TXNDC11: variants seen among roughly 807,000 people sequenced by gnomAD.
The protein encoded by TXNDC11 is thioredoxin domain-containing protein 11.
In TXNDC11, 68 loss-of-function variants were observed where a neutral mutation model predicts 78.0. That is an observed-to-expected ratio of 0.87 (90% CI 0.72 to 1.07). TXNDC11 has a LOEUF of 1.07. Ranked by LOEUF, TXNDC11 falls within the 50% of genes least tolerant of loss-of-function variation. The pLI, the probability that TXNDC11 is intolerant of heterozygous loss-of-function variation, is 0.00. For missense variants in TXNDC11, 1,389 were observed against 1,221.8 expected (o/e 1.14, Z -2.04); for synonymous variants, 571 against 495.2 (o/e 1.15, Z -2.03).
At chr16:11,718,562 C>CTTT (rs1182423693) in intron 5 of TXNDC11, among the ~76,000 whole-genome samples, 2 of 151,806 alleles carry the variant, frequency 1.3e-5, no homozygotes, top group Non-Finnish European at 2.9e-5. Context: ...AGGAAAACAC[C>CTTT]ATTTGACTTC....
chr16:11,742,376 C>G, intron 1 of TXNDC11, 101 bp downstream of exon 1: 1 of 1,014,360 alleles, frequency 9.9e-7, no homozygotes, highest in Non-Finnish European at 1.3e-6. Flanking sequence ...AGGTCAGGCC[C>G]GACTTCCCCG....
At chr16:11,703,733 AAG>A in intron 5 of TXNDC11, 1 of 701,612 alleles carries the variant, frequency 1.4e-6, no homozygotes, top group Non-Finnish European at 2.6e-6. Flanking sequence ...GCCCTTGGAG[AAG>A]AGGTTGATTC....
chr16:11,708,653 T>C (rs1181046394), intron 5 of TXNDC11, among the ~76,000 whole-genome samples: 1 of 152,228 alleles, frequency 6.6e-6, no homozygotes, highest in South Asian at 2.1e-4. Context: ...AACCAACATA[T>C]GCTTCAAAAC....
At chr16:11,730,447 A>G (rs141186039) in intron 4 of TXNDC11, among the ~76,000 whole-genome samples, 198 bp downstream of exon 4, 145 of 152,338 alleles carry the variant, frequency 9.5e-4, no homozygotes, top group Admixed American at 2.1e-3. Context: ...CTAGTACTCT[A>G]TTCTCTTAAA....
chr16:11,734,194 A>G, intron 2 of TXNDC11, 115 bp from the exon 3 acceptor site: 2 of 758,016 alleles, frequency 2.6e-6, no homozygotes, highest in East Asian at 5.3e-5. Flanking sequence ...AACAGAAACT[A>G]TGAAAAAAAC....
chr16:11,714,843 C>A (rs1358212470), intron 5 of TXNDC11, among the ~76,000 whole-genome samples: 1 of 152,188 alleles, frequency 6.6e-6, no homozygotes, highest in Non-Finnish European at 1.5e-5. Flanking sequence ...AACACTATTT[C>A]CCAAAGGGAG....
At chr16:11,737,977 T>A (rs1246478731) in intron 1 of TXNDC11, among the ~76,000 whole-genome samples, 2 of 149,874 alleles carry the variant, frequency 1.3e-5, no homozygotes, top group African/African-American at 4.9e-5. Context: ...AGACACAGGA[T>A]AAAGGCATAA....
chr16:11,700,656 T>G, intron 5 of TXNDC11, 92 bp from the exon 6 acceptor site: 2 of 626,268 alleles, frequency 3.2e-6, no homozygotes, highest in East Asian at 2.9e-5. Context: ...CACAAACCCC[T>G]GCAGCTAAGC....
At chr16:11,680,269 G>A (rs189508259) in intron 11 of TXNDC11, among the ~76,000 whole-genome samples, 12 of 151,856 alleles carry the variant, frequency 7.9e-5, no homozygotes, top group Admixed American at 1.3e-4. Flanking sequence ...GACAGTGCCC[G>A]GAGAAAAAGG....
chr16:11,712,654 C>G (rs578009873), intron 5 of TXNDC11, among the ~76,000 whole-genome samples: 5 of 152,244 alleles, frequency 3.3e-5, no homozygotes, highest in African/African-American at 9.6e-5. Context: ...ATTTATAAGA[C>G]TTAAGAAATA....
chr16:11,722,630 A>C (rs550441759), intron 4 of TXNDC11, among the ~76,000 whole-genome samples: 41 of 152,280 alleles, frequency 2.7e-4, no homozygotes, highest in African/African-American at 9.6e-4. Flanking sequence ...CCTGATGTGG[A>C]AATAGGAACA....
chr16:11,721,559 A>G lies in TXNDC11; in HGVS notation c.793+18T>C. On this transcript the variant is annotated intron_variant, in intron 5 of 11. Transcript: ENST00000283033. ...ATTCTACTGAAGTAACAATGTCTTA[A>G]TATGAATCATTTTTTACCTTTCTTT... 1 of 1,425,826 alleles carries G rather than the reference A, an allele frequency of 7.0e-7. No individual in the cohort carries two copies. Among genetic ancestry groups the G allele is most frequent in the Non-Finnish European group, 9.9e-7 (1 of 1,013,968 alleles). The allele number at this position is 1,425,826 out of a possible 1,614,324, so 88.3% of individuals were successfully genotyped here. A position where few individuals can be genotyped will look rare whatever the true frequency, so the allele number is the denominator to read the frequency against.
At chr16:11,686,570 T>C (rs1230718861) in intron 10 of TXNDC11, among the ~76,000 whole-genome samples, 1 of 152,220 alleles carries the variant, frequency 6.6e-6, no homozygotes, top group Non-Finnish European at 1.5e-5. Context: ...ACTCATTCCA[T>C]TAGATACATC....
chr16:11,735,966 T>C, intron 2 of TXNDC11, 51 bp downstream of exon 2: 2 of 1,569,018 alleles, frequency 1.3e-6, no homozygotes, highest in Non-Finnish European at 1.8e-6. Context: ...CATCCTGCCC[T>C]ACATATAGGA....
At chr16:11,686,210 G>A (rs557900164) in intron 10 of TXNDC11, among the ~76,000 whole-genome samples, 16 of 152,270 alleles carry the variant, frequency 1.1e-4, no homozygotes, top group African/African-American at 3.9e-4. Flanking sequence ...CGCCCACCTC[G>A]GCCTCCCAAC....
intron 10 of TXNDC11, among the ~76,000 whole-genome samples, chr16:11,686,318 T>A (rs2050566744): frequency 6.6e-6 from 1 of 152,212 alleles, no homozygotes; most frequent in African/African-American, 2.4e-5. Flanking sequence ...TCTTTTCCAT[T>A]AACTGTATGA....
chr16:11,730,676 G>C lies in TXNDC11; in HGVS notation c.668C>G (p.Ser223Ter). The C allele has an allele frequency of 5.0e-6, 8 of 1,613,632 alleles. No individual in the cohort carries two copies. The highest frequency in any genetic ancestry group is 6.8e-6 in the Non-Finnish European group (8 of 1,179,706). ...MKPLLYIPSQ[S>*]ELLDFLSNYE... is the part of the protein sequence containing the mutation. ...GTTTGAGAGAAAATCTAGTAATTCT[G>C]ATTGAGATGGGATGTAGAGAAGTGG... is the stretch of plus-strand genomic sequence containing the variant. The change falls in exon 4 of 12, where the codon TCA becomes TGA. Residue 223 changes from serine (S) to a stop codon, truncating the protein, a stop_gained. Transcript: ENST00000283033. LOFTEE classifies it high-confidence loss of function.
intron 5 of TXNDC11, among the ~76,000 whole-genome samples, chr16:11,708,586 A>C (rs1224433507): frequency 6.6e-6 from 1 of 152,254 alleles, no homozygotes; most frequent in Non-Finnish European, 1.5e-5. Context: ...CTAAGGCATC[A>C]TGGAACAAAA....
chr16:11,738,224 C>T (rs1039662634), intron 1 of TXNDC11, among the ~76,000 whole-genome samples: 2 of 152,166 alleles, frequency 1.3e-5, no homozygotes, highest in Non-Finnish European at 2.9e-5. Context: ...ATATGAAATT[C>T]CAGAACAGGC....
Sources: gnomAD v4.1 joint callset for allele counts (sites outside exome capture counted in the v4.1 genomes callset) on GRCh38, gnomAD v4.1.1 for gene constraint, MANE v1.5 for transcripts, NCBI Gene and HGNC (gene_info 2026-07-23, HGNC 2026-07-21) for gene names.